Variants in CA10 observed in about 807,000 individuals in gnomAD.
The protein encoded by CA10 is carbonic anhydrase 10 (inactive).
A neutral mutation model predicts 44.2 loss-of-function variants in CA10; 14 were observed. The ratio of observed to expected loss-of-function variants is 0.32; its 90% confidence interval spans 0.21 to 0.50. The LOEUF (loss-of-function observed/expected upper bound fraction) is 0.50, where lower values mean the gene tolerates loss of function less well. Among genes scored for constraint, CA10 ranks in the 20% least tolerant of loss-of-function variants. CA10 has a pLI of 0.99. For missense variants in CA10, 350 were observed against 409.7 expected (o/e 0.85, Z 1.26); for synonymous variants, 159 against 141.6 (o/e 1.12, Z -0.87).
At chr17:51,821,056 CCTCCCTCT>C (rs1567850820) in intron 3 of CA10, among the ~76,000 whole-genome samples, 2 of 75,286 alleles carry the variant, frequency 2.7e-5, no homozygotes, top group African/African-American at 4.7e-5. Context: ...TCCCTCCCTC[CCTCCCTCT>C]CTCCCTTCCT....
intron 3 of CA10, among the ~76,000 whole-genome samples, chr17:51,817,560 C>T (rs1356772644): frequency 6.6e-6 from 1 of 152,172 alleles, no homozygotes; most frequent in African/African-American, 2.4e-5. Context: ...TGCCTGCCAC[C>T]TACGAACACT....
intron 3 of CA10, among the ~76,000 whole-genome samples, chr17:51,928,792 T>G (rs181691834): frequency 6.4e-4 from 98 of 152,266 alleles, no homozygotes; most frequent in Non-Finnish European, 1.1e-3. Flanking sequence ...TCAAAACAAG[T>G]TTCCAACTCA....
At chr17:51,849,183 GTATATATATATATACA>G (rs1978645751) in intron 3 of CA10, among the ~76,000 whole-genome samples, 8 of 76,544 alleles carry the variant, frequency 1.0e-4, no homozygotes, top group East Asian at 3.4e-4. Context: ...ATACATATAT[GTATATATATATATACA>G]TATATGTATA....
At chr17:52,147,647 A>G (rs1439560220) in intron 1 of CA10, among the ~76,000 whole-genome samples, 2 of 152,330 alleles carry the variant, frequency 1.3e-5, no homozygotes, top group East Asian at 1.9e-4. Flanking sequence ...GAAATAAAAC[A>G]TAATGACTTC....
intron 2 of CA10, among the ~76,000 whole-genome samples, chr17:52,006,706 G>A (rs1985611362): frequency 6.6e-6 from 1 of 151,768 alleles, no homozygotes; most frequent in South Asian, 2.1e-4. Context: ...CACAAGATTG[G>A]TTGAGATTTT....
At chr17:51,773,315 T>A (rs1358630562) in intron 3 of CA10, among the ~76,000 whole-genome samples, 1 of 152,200 alleles carries the variant, frequency 6.6e-6, no homozygotes, top group Admixed American at 6.5e-5. Context: ...GCTCAGATAA[T>A]TGTCTTTCTT....
chr17:51,861,871 A>G (rs772031786), intron 3 of CA10, among the ~76,000 whole-genome samples: 4 of 152,332 alleles, frequency 2.6e-5, no homozygotes, highest in Admixed American at 6.5e-5. Context: ...ATGAATCACC[A>G]AAGGCTATAT....
At chr17:51,673,802 T>C (rs1914514088) in intron 4 of CA10, among the ~76,000 whole-genome samples, 1 of 152,200 alleles carries the variant, frequency 6.6e-6, no homozygotes. Flanking sequence ...CTATGGGAAA[T>C]GTCCAGGCTC....
chr17:51,780,592 T>C (rs1906020071), intron 3 of CA10, among the ~76,000 whole-genome samples: 1 of 152,156 alleles, frequency 6.6e-6, no homozygotes, highest in African/African-American at 2.4e-5. Flanking sequence ...GGATGCAAGG[T>C]CACATGGACA....
chr17:51,749,922 C>T (rs1361778833), intron 3 of CA10, among the ~76,000 whole-genome samples: 2 of 152,202 alleles, frequency 1.3e-5, no homozygotes, highest in African/African-American at 4.8e-5. Context: ...TAATATTCTA[C>T]ACCTTACCAA....
intron 1 of CA10, among the ~76,000 whole-genome samples, chr17:52,135,575 C>A (rs112353743): frequency 3.9e-5 from 6 of 152,292 alleles, no homozygotes; most frequent in East Asian, 1.9e-4. Flanking sequence ...GCTCAGCGCA[C>A]GTTCCTATTC....
intron 2 of CA10, 39 bp downstream of exon 2, chr17:52,072,279 TG>T: frequency 1.5e-6 from 2 of 1,351,260 alleles, no homozygotes; most frequent in Non-Finnish European, 2.1e-6. Flanking sequence ...TCATTCTAAT[TG>T]TTTTTAATAA....
At chr17:51,880,237 G>T (rs1392516193) in intron 3 of CA10, among the ~76,000 whole-genome samples, 1 of 151,998 alleles carries the variant, frequency 6.6e-6, no homozygotes, top group Non-Finnish European at 1.5e-5. Context: ...ACCAACCCTG[G>T]TATGTCCCCG....
At chr17:52,111,210 GA>G (rs1188006727) in intron 1 of CA10, among the ~76,000 whole-genome samples, 4 of 152,278 alleles carry the variant, frequency 2.6e-5, no homozygotes, top group Non-Finnish European at 5.9e-5. Context: ...GATTATGTAT[GA>G]CGCTCACTTA....
At chr17:51,987,919 TAAGA>T (rs1263233537) in intron 2 of CA10, among the ~76,000 whole-genome samples, 1 of 152,030 alleles carries the variant, frequency 6.6e-6, no homozygotes, top group African/African-American at 2.4e-5. Flanking sequence ...CAGGTCTATA[TAAGA>T]AAGGAAGAAT....
At chr17:51,928,528 T>A (rs1567888716) in intron 3 of CA10, among the ~76,000 whole-genome samples, 1 of 152,132 alleles carries the variant, frequency 6.6e-6, no homozygotes, top group Non-Finnish European at 1.5e-5. Context: ...GAGAGCTGCA[T>A]CACAGTTTTG....
At chr17:51,807,571 C>A (rs995573151) in intron 3 of CA10, among the ~76,000 whole-genome samples, 4 of 152,124 alleles carry the variant, frequency 2.6e-5, no homozygotes, top group Non-Finnish European at 4.4e-5. Flanking sequence ...AATGTTCATG[C>A]CACCTTTTTT....
At chr17:51,638,214 T>C (rs1026499106) in intron 6 of CA10, among the ~76,000 whole-genome samples, 3 of 152,194 alleles carry the variant, frequency 2.0e-5, no homozygotes, top group Non-Finnish European at 4.4e-5. Context: ...ATGATATAAA[T>C]ACAATCACAA....
intron 3 of CA10, among the ~76,000 whole-genome samples, chr17:51,891,091 A>G (rs1468727363): frequency 6.6e-6 from 1 of 152,208 alleles, no homozygotes; most frequent in Non-Finnish European, 1.5e-5. Context: ...GATTCCAATG[A>G]TTATCAGTGG....
Sources: gnomAD v4.1 joint callset for allele counts (sites outside exome capture counted in the v4.1 genomes callset) on GRCh38, gnomAD v4.1.1 for gene constraint, MANE v1.5 for transcripts, NCBI Gene and HGNC (gene_info 2026-07-23, HGNC 2026-07-21) for gene names.